The following RBFOX1 variants were observed in gnomAD, a reference collection of about 807,000 sequenced individuals.
RBFOX1 encodes the protein RNA binding protein fox-1 homolog 1.
RBFOX1 carries 8 observed loss-of-function variants against 57.7 expected under a neutral mutation model. The ratio of observed to expected loss-of-function variants is 0.14; its 90% CI spans 0.08 to 0.25. The LOEUF (loss-of-function observed/expected upper bound fraction) is 0.25. RBFOX1 is among the 10% of genes least tolerant of loss of function. The pLI is 1.00. For synonymous variants in RBFOX1, 326 were observed against 222.4 expected, an observed-to-expected ratio of 1.47 and a Z score of -4.15; for missense variants, 611 against 548.5, an observed-to-expected ratio of 1.11 and a Z score of -1.14.
intron 4 of RBFOX1, among the ~76,000 whole-genome samples, chr16:7,207,976 C>T (rs146717797): frequency 6.6e-6 from 1 of 152,154 alleles, no homozygotes; most frequent in Non-Finnish European, 1.5e-5. Flanking sequence ...TATTGTGAGC[C>T]TCCTGTAAGT....
chr16:6,143,581 A>G (rs1304274864), intron 1 of RBFOX1, among the ~76,000 whole-genome samples: 1 of 152,138 alleles, frequency 6.6e-6, no homozygotes, highest in African/African-American at 2.4e-5. Context: ...ATAAGCATCC[A>G]AGTGATTCTG....
chr16:6,976,704 A>G (rs560112962), intron 3 of RBFOX1, among the ~76,000 whole-genome samples: 2 of 147,550 alleles, frequency 1.4e-5, no homozygotes, highest in South Asian at 2.1e-4. Context: ...CATACATATC[A>G]TATAGCATAC....
At chr16:5,910,368 C>G (rs1030026811) in intron 4 of RBFOX1, among the ~76,000 whole-genome samples, 4 of 152,170 alleles carry the variant, frequency 2.6e-5, no homozygotes, top group African/African-American at 9.7e-5. Context: ...GGTACCAGAG[C>G]CTTCTTGACT....
intron 4 of RBFOX1, among the ~76,000 whole-genome samples, chr16:7,242,538 G>T (rs1209357227): frequency 6.6e-6 from 1 of 152,206 alleles, no homozygotes; most frequent in Non-Finnish European, 1.5e-5. Context: ...GAAATGGAAT[G>T]GTCTGGAACA....
chr16:6,496,124 C>T lies in RBFOX1; in HGVS notation c.-63-158479C>T, dbSNP rs115875062. ...CTACTCTGGGGTGTCTTGTAGAAAACGGTCAGGGGAATTTGGAAAGGCATG... is the reference window on the plus strand; with the variant it reads ...CTACTCTGGGGTGTCTTGTAGAAAATGGTCAGGGGAATTTGGAAAGGCATG... On this transcript the variant is annotated intron_variant, in intron 2 of 15. Transcript: ENST00000550418. 9.5e-3 allele frequency among the ~76,000 whole-genome samples: 1,440 copies of T among 151,948 alleles called. 13 individuals carry two copies. Among genetic ancestry groups the T allele is most frequent in the Middle Eastern group, 0.048 (14 of 294 alleles).
chr16:6,585,824 G>T (rs543059223), intron 2 of RBFOX1, among the ~76,000 whole-genome samples: 2 of 152,050 alleles, frequency 1.3e-5, no homozygotes, highest in Admixed American at 6.6e-5. Context: ...TTGTGTAGGG[G>T]TCTGTGCATT....
chr16:7,681,935 C>T (rs1470637775), intron 14 of RBFOX1, among the ~76,000 whole-genome samples: 1 of 152,080 alleles, frequency 6.6e-6, no homozygotes, highest in Non-Finnish European at 1.5e-5. Flanking sequence ...AAGGAGAGAT[C>T]TCAAGATCTT....
intron 4 of RBFOX1, among the ~76,000 whole-genome samples, chr16:7,366,365 A>G (rs1239597438): frequency 6.6e-6 from 1 of 152,170 alleles, no homozygotes; most frequent in Non-Finnish European, 1.5e-5. Context: ...AGAGGAAACG[A>G]AGGCTGTGCA....
chr16:7,423,575 C>G (rs897783253), intron 4 of RBFOX1, among the ~76,000 whole-genome samples: 1 of 152,116 alleles, frequency 6.6e-6, no homozygotes, highest in African/African-American at 2.4e-5. Context: ...TACCCTCACA[C>G]TACTGGAAAG....
chr16:7,155,211 C>CT (rs200284360), intron 4 of RBFOX1, among the ~76,000 whole-genome samples: 1 of 152,200 alleles, frequency 6.6e-6, no homozygotes, highest in South Asian at 2.1e-4. Context: ...AAGTTTTTAG[C>CT]TTTTTAAAAA....
In RBFOX1 at chr16:5,510,832, C is replaced by A. The variant is rs1420038724; in HGVS notation, c.258+43578C>A. ...GCTGAGCAGCCTCCCAGCCCTCCAC[C>A]CATTAGATGCCATCTGACTCTCTCT... On this transcript the variant is annotated intron_variant, in intron 2 of 2. Transcript: ENST00000585867. 3.9e-5 allele frequency among the ~76,000 whole-genome samples: 6 copies of A among 152,178 alleles called. No homozygotes were observed. In the East Asian group the frequency reaches 1.2e-3, roughly 29 times the overall value.
chr16:6,293,314 C>A (rs10852676), intron 1 of RBFOX1, among the ~76,000 whole-genome samples: 89,494 of 151,864 alleles, frequency 0.59, 27,361 homozygotes, highest in East Asian at 0.8. Flanking sequence ...AAGTATTATA[C>A]CAGACAGCCT....
At chr16:7,648,305 C>G (rs945364353) in intron 11 of RBFOX1, among the ~76,000 whole-genome samples, 2 of 152,134 alleles carry the variant, frequency 1.3e-5, no homozygotes, top group African/African-American at 4.8e-5. Flanking sequence ...CTGCAACCTC[C>G]TCTACCTCTC....
chr16:7,052,010 G>T, intron 3 of RBFOX1, 47 bp from the exon 4 acceptor site: 1 of 1,592,306 alleles, frequency 6.3e-7, no homozygotes, highest in East Asian at 2.3e-5. Context: ...ATGTTTTTCT[G>T]ATCCGGAGCC....
At chr16:7,593,661 T>C (rs1230268812) in intron 7 of RBFOX1, among the ~76,000 whole-genome samples, 1 of 145,300 alleles carries the variant, frequency 6.9e-6, no homozygotes, top group Non-Finnish European at 1.5e-5. Flanking sequence ...TCCACTTACA[T>C]GTGAATTTTT....
At chr16:7,709,546 C>G in intron 15 of RBFOX1, 1 of 1,532,812 alleles carries the variant, frequency 6.5e-7, no homozygotes, top group Non-Finnish European at 8.7e-7. Flanking sequence ...CTGCACACTT[C>G]CAGGCCTCTG....
At chr16:6,045,458 C>T (rs868763273) in intron 1 of RBFOX1, among the ~76,000 whole-genome samples, 2 of 152,164 alleles carry the variant, frequency 1.3e-5, no homozygotes, top group African/African-American at 4.8e-5. Context: ...AGCCAGACCT[C>T]TTCATATGCC....
At chr16:5,882,034 C>T (rs2057777251) in intron 4 of RBFOX1, among the ~76,000 whole-genome samples, 3 of 152,218 alleles carry the variant, frequency 2.0e-5, no homozygotes, top group African/African-American at 4.8e-5. Context: ...TTCCCCACCA[C>T]ATTCCTATCA....
intron 4 of RBFOX1, among the ~76,000 whole-genome samples, chr16:7,219,095 C>A (rs898035292): frequency 1.3e-5 from 2 of 152,162 alleles, no homozygotes; most frequent in Non-Finnish European, 2.9e-5. Context: ...TCTTCATTAT[C>A]CCCGTCATTG....
Sources: allele counts gnomAD v4.1 joint callset (sites outside exome capture counted in the v4.1 genomes callset), GRCh38; gene constraint gnomAD v4.1.1; transcripts MANE v1.5; gene names NCBI Gene and HGNC (gene_info 2026-07-23, HGNC 2026-07-21).